HMCN1: variants seen among roughly 807,000 people sequenced by gnomAD.
HMCN1 encodes hemicentin-1.
Under a neutral mutation model 625.9 loss-of-function variants are expected in HMCN1, and 321 were observed. The observed-to-expected ratio is 0.51, with a 90% CI of 0.47 to 0.56. The LOEUF is 0.56. Among genes scored for constraint, HMCN1 ranks in the 20% least tolerant of loss-of-function variants. The pLI, the probability that HMCN1 is intolerant of heterozygous loss-of-function variation, is 0.00. For synonymous variants in HMCN1, 2,425 were observed against 2,417.6 expected (o/e 1.00, Z -0.09); for missense variants, 6,588 against 6,887.3 (o/e 0.96, Z 1.54).
intron 11 of HMCN1, among the ~76,000 whole-genome samples, chr1:185,952,714 G>T (rs1649294665): frequency 6.6e-6 from 1 of 151,684 alleles, no homozygotes; most frequent in African/African-American, 2.4e-5. Flanking sequence ...AGTTGAAGAA[G>T]TTTTAAGTTC....
intron 4 of HMCN1, among the ~76,000 whole-genome samples, chr1:185,867,755 A>G (rs544842912): frequency 6.6e-6 from 1 of 152,184 alleles, no homozygotes; most frequent in South Asian, 2.1e-4. Context: ...CCTGTTTGTG[A>G]GCAGTCAGAC....
In HMCN1 at chr1:186,103,476, A is replaced by G; in HGVS notation, c.10578A>G (p.Pro3526=). 6.2e-7 allele frequency: 1 copy of G among 1,611,690 alleles called. No homozygotes were observed. Among genetic ancestry groups the G allele is most frequent in the Non-Finnish European group, 8.5e-7 (1 of 1,177,874 alleles). The change falls in exon 69 of 107, where the codon CCA becomes CCG. Residue 3526 remains proline, a synonymous_variant. Transcript: ENST00000271588. The stretch of plus-strand genomic sequence containing the variant: ...TTTTTGATTCCCTTTAAATAGAACC[A>G]CCTCACATTAATGGATCTGAAGAAC... The part of the protein sequence containing the change: ...SKHFILKVLE[P]PHINGSEEHE...
intron 2 of HMCN1, 132 bp downstream of exon 2, chr1:185,846,228 C>T (rs2102319221): frequency 2.9e-6 from 2 of 688,256 alleles, no homozygotes; most frequent in East Asian, 2.7e-5. Context: ...CCACATCCCC[C>T]AGCCCTCAAC....
rs1197331237 is a variant in HMCN1 at position 185,890,736 on chromosome 1, T to C, written c.622-18601T>C. On this transcript the variant is annotated intron_variant, in intron 4 of 106. Transcript: ENST00000271588. ...GAGGAGAGCTTTACTTCCAAGTATG[T>C]GGTCAATTTTGGAATAGGTGTGGTG... is the stretch of plus-strand genomic sequence containing the variant. 1.0e-4 allele frequency among the ~76,000 whole-genome samples: 7 copies of C among 70,306 alleles called. No individual in the cohort carries two copies. In the Admixed American group the frequency reaches 1.2e-3, roughly 12 times the overall value. 46.1% of individuals were successfully genotyped at this position (70,306 alleles called of 152,430 possible). A position where few individuals can be genotyped will look rare whatever the true frequency, so the allele number is the denominator to read the frequency against.
rs1393886574 is a variant in HMCN1 at position 186,076,424 on chromosome 1, A to G, written c.8291-4A>G. ...GACCAACATTTAATGCCTTTCCTCC[A>G]TAGTTCCTCCAAGTTTTCAGAAACT... On this transcript the variant is annotated splice_polypyrimidine_tract_variant and splice_region_variant and intron_variant, in intron 53 of 106. Coordinates refer to ENST00000271588, the MANE Select transcript of HMCN1 (RefSeq NM_031935.3). The G allele has an allele frequency of 6.2e-7, 1 of 1,612,852 alleles. No individual in the cohort carries two copies. Among genetic ancestry groups the G allele is most frequent in the African/African-American group, 1.3e-5 (1 of 74,910 alleles).
chr1:185,893,922 A>G, intron 4 of HMCN1, among the ~76,000 whole-genome samples: 1 of 152,158 alleles, frequency 6.6e-6, no homozygotes, highest in East Asian at 1.9e-4. Context: ...ACCGTCCTTC[A>G]TACTGTCTTC....
At chr1:185,846,493 T>C (rs1346338624) in intron 2 of HMCN1, among the ~76,000 whole-genome samples, 3 of 152,204 alleles carry the variant, frequency 2.0e-5, no homozygotes, top group East Asian at 3.8e-4. Flanking sequence ...TTTGATATTC[T>C]ATGCTGCTAT....
rs768577747 is a variant in HMCN1 at position 186,166,881 on chromosome 1, T to C, written c.15513T>C (p.Tyr5171=). 15 of 1,614,196 alleles carry C rather than the reference T, an allele frequency of 9.3e-6. No individual in the cohort carries two copies. Among genetic ancestry groups the C allele is most frequent in the Non-Finnish European group, 1.3e-5 (15 of 1,180,022 alleles). ...GQDCDNTIGS[Y]RCVVRCGSGF... is the part of the protein sequence containing the mutation. ...ACTGTGACAATACGATTGGATCTTA[T>C]CGCTGTGTGGTCCGTTGTGGAAGTG... Residue 5171 remains tyrosine, a synonymous_variant, in exon 100 of 107, where the codon TAT becomes TAC. Coordinates refer to ENST00000271588, the MANE Select transcript of HMCN1 (RefSeq NM_031935.3).
intron 2 of HMCN1, among the ~76,000 whole-genome samples, chr1:185,852,409 C>CA (rs369562957): frequency 6.7e-6 from 1 of 150,310 alleles, no homozygotes; most frequent in Non-Finnish European, 1.5e-5. Flanking sequence ...AAAAATAAAC[C>CA]AAAAAAGGAA....
In HMCN1 at chr1:186,086,332, T is replaced by G; in HGVS notation, c.8971T>G (p.Phe2991Val). 6.2e-7 allele frequency: 1 copy of G among 1,613,402 alleles called. No individual in the cohort carries two copies. Among genetic ancestry groups the G allele is most frequent in the Non-Finnish European group, 8.5e-7 (1 of 1,179,586 alleles). The change falls in exon 58 of 107, where the codon TTT (phenylalanine) becomes GTT (valine). Residue 2991 changes from phenylalanine (F) to valine (V), a missense_variant. Transcript: ENST00000271588. The stretch of plus-strand genomic sequence containing the variant: ...CTCTTTGACCTGTGAGGTCTCTGGT[T>G]TTCCACCTCCTGACCTCAGCTGGCT... ...FISLTCEVSG[F>V]PPPDLSWLKN... is the part of the protein sequence containing the mutation.
intron 25 of HMCN1, among the ~76,000 whole-genome samples, chr1:185,998,818 CTTTT>C (rs946954463): frequency 6.6e-6 from 1 of 152,020 alleles, no homozygotes; most frequent in African/African-American, 2.4e-5. Flanking sequence ...CAATTTCTTT[CTTTT>C]GTTTGTTCAT....
chr1:186,040,148 G>T (rs191607265), intron 39 of HMCN1, among the ~76,000 whole-genome samples: 78 of 152,028 alleles, frequency 5.1e-4, no homozygotes, highest in African/African-American at 1.8e-3. Flanking sequence ...TTTTCTACCT[G>T]CCCCACTCCA....
intron 86 of HMCN1, among the ~76,000 whole-genome samples, chr1:186,136,416 C>T (rs1649604596): frequency 6.6e-6 from 1 of 151,994 alleles, no homozygotes; most frequent in Non-Finnish European, 1.5e-5. Context: ...AATTTGAATC[C>T]AGGAAACATG....
intron 1 of HMCN1, among the ~76,000 whole-genome samples, chr1:185,812,539 G>A (rs915507554): frequency 6.6e-6 from 1 of 152,112 alleles, no homozygotes; most frequent in Non-Finnish European, 1.5e-5. Context: ...TCTGAGAAGT[G>A]AAAATTGTAA....
intron 12 of HMCN1, 66 bp from the exon 13 acceptor site, chr1:185,963,702 T>C: frequency 8.4e-7 from 1 of 1,187,816 alleles, no homozygotes; most frequent in Admixed American, 1.7e-5. Context: ...AGGAAAGCAC[T>C]ATATTATCTT....
At chr1:185,848,508 C>A (rs1661973391) in intron 2 of HMCN1, among the ~76,000 whole-genome samples, 1 of 152,038 alleles carries the variant, frequency 6.6e-6, no homozygotes, top group South Asian at 2.1e-4. Context: ...TTTGTTTTCT[C>A]ATTTTCTATC....
chr1:185,866,909 G>A (rs1361622572), intron 4 of HMCN1, among the ~76,000 whole-genome samples: 1 of 151,482 alleles, frequency 6.6e-6, no homozygotes, highest in African/African-American at 2.4e-5. Flanking sequence ...GGATATGCAG[G>A]TTTGTTACAT....
At position 186,093,482 on chromosome 1, in the gene HMCN1, A is replaced by G; in HGVS notation, c.10013-4A>G. On this transcript the variant is annotated splice_polypyrimidine_tract_variant and splice_region_variant and intron_variant, in intron 65 of 106. Coordinates refer to ENST00000271588, the MANE Select transcript of HMCN1 (RefSeq NM_031935.3). ...CCCTCTCTCTCACTTTCTGCACAAC[A>G]TAGTTACACCTACAATTAGGGGTAA... 6.2e-7 allele frequency: 1 copy of G among 1,612,934 alleles called. No homozygotes were observed. The highest frequency in any genetic ancestry group is 8.5e-7 in the Non-Finnish European group (1 of 1,179,290).
chr1:185,988,236 C>T (rs544712378), intron 20 of HMCN1, among the ~76,000 whole-genome samples: 1 of 152,328 alleles, frequency 6.6e-6, no homozygotes, highest in South Asian at 2.1e-4. Context: ...TTATTCCCCT[C>T]TATGTCCCTG....
Sources: allele counts gnomAD v4.1 joint callset (sites outside exome capture counted in the v4.1 genomes callset), GRCh38; gene constraint gnomAD v4.1.1; transcripts MANE v1.5; gene names NCBI Gene and HGNC (gene_info 2026-07-23, HGNC 2026-07-21).